Variants in SLC16A2 observed in about 807,000 individuals in gnomAD.
SLC16A2 encodes monocarboxylate transporter 8.
In SLC16A2, 3 loss-of-function variants were observed where a neutral mutation model predicts 27.2. The observed-to-expected ratio is 0.11, with a 90% CI of 0.05 to 0.28. The LOEUF (loss-of-function observed/expected upper bound fraction) is 0.28. SLC16A2 is among the 10% of genes least tolerant of loss of function. The pLI is 1.00. For missense variants in SLC16A2, 295 were observed against 458.5 expected, an observed-to-expected ratio of 0.64 and a Z score of 3.26; for synonymous variants, 202 against 187.8, an observed-to-expected ratio of 1.08 and a Z score of -0.62.
chrX:74,531,152 A>G (rs1204530761), intron 5 of SLC16A2, among the ~76,000 whole-genome samples, 181 bp from the exon 6 acceptor site: 1 of 112,958 alleles, frequency 8.9e-6, no homozygotes, highest in Admixed American at 9.3e-5. Context: ...CTTCTTTCAT[A>G]ATGAGCATTC....
intron 1 of SLC16A2, among the ~76,000 whole-genome samples, chrX:74,485,014 C>T (rs759524402): frequency 2.2e-4 from 24 of 111,104 alleles, no homozygotes; most frequent in African/African-American, 6.2e-4. Flanking sequence ...GTCGGGAGTT[C>T]GAGACCAGCC....
At chrX:74,455,577 C>T (rs563433) in intron 1 of SLC16A2, among the ~76,000 whole-genome samples, 12,303 of 110,322 alleles carry the variant, frequency 0.11, 1,422 homozygotes, top group East Asian at 0.87. Context: ...CCATTTTAGG[C>T]AGAGAGGGCT....
intron 1 of SLC16A2, among the ~76,000 whole-genome samples, chrX:74,425,677 G>A (rs1247054640): frequency 9.0e-6 from 1 of 111,382 alleles, no homozygotes; most frequent in Non-Finnish European, 1.9e-5. Context: ...GGGACCCTAA[G>A]TGAGTTGGAC....
chrX:74,452,037 G>A (rs1473759150), intron 1 of SLC16A2, among the ~76,000 whole-genome samples: 3 of 112,591 alleles, frequency 2.7e-5, no homozygotes, highest in African/African-American at 6.4e-5. Context: ...AGCACAATAC[G>A]AGCTAAATTA....
chrX:74,435,466 G>A (rs953666324), intron 1 of SLC16A2, among the ~76,000 whole-genome samples: 10 of 57,183 alleles, frequency 1.7e-4, no homozygotes, highest in Non-Finnish European at 4.3e-4. Context: ...CTGCAACCTA[G>A]CCTGGACAAA....
At position 74,524,508 on chromosome X, in the gene SLC16A2, T is replaced by A. The variant is rs201780420; in HGVS notation, c.725T>A (p.Phe242Tyr). The stretch of plus-strand genomic sequence containing the variant: ...GTGGTGTCTGCTGGGAGTAGCATTT[T>A]CTCCATGTCCTTCCCCTTCCTCATC... ...NGVVSAGSSI[F>Y]SMSFPFLIRM... The change falls in exon 3 of 6, where the codon TTC becomes TAC. Residue 242 changes from phenylalanine to tyrosine, a missense_variant. Physicochemically the swap from Phe to Tyr is conservative, Grantham distance 22. This residue lies in a region of SLC16A2 where 59 missense variants were observed against 153.6 expected (regional missense o/e 0.38). Transcript: ENST00000587091. 14 of 1,211,566 alleles carry A rather than the reference T, an allele frequency of 1.2e-5. No homozygotes were observed. The highest frequency in any genetic ancestry group is 1.6e-5 in the Non-Finnish European group (14 of 895,425).
intron 1 of SLC16A2, among the ~76,000 whole-genome samples, chrX:74,474,882 T>C (rs1168321788): frequency 1.9e-5 from 2 of 108,021 alleles, no homozygotes; most frequent in African/African-American, 6.8e-5. Flanking sequence ...TCTATCATTG[T>C]TGGACATTTG....
At chrX:74,508,511 T>C (rs1163766776) in intron 1 of SLC16A2, among the ~76,000 whole-genome samples, 1 of 112,568 alleles carries the variant, frequency 8.9e-6, no homozygotes, top group Non-Finnish European at 1.9e-5. Context: ...TATATATAAA[T>C]ACAATTTGTT....
At chrX:74,496,838 C>T (rs1040104520) in intron 1 of SLC16A2, among the ~76,000 whole-genome samples, 2 of 112,140 alleles carry the variant, frequency 1.8e-5, no homozygotes, top group Admixed American at 1.9e-4. Flanking sequence ...AGTCGGGTCG[C>T]TCAGTGGCCT....
intron 1 of SLC16A2, among the ~76,000 whole-genome samples, chrX:74,425,004 A>T (rs1006213736): frequency 8.9e-6 from 1 of 112,129 alleles, no homozygotes; most frequent in African/African-American, 3.2e-5. Context: ...AACTACAGGC[A>T]TGCGCCACCA....
At position 74,520,639 on chromosome X, in the gene SLC16A2, AG is replaced by A. The variant is rs940785005; in HGVS notation, c.431-348del. Among the ~76,000 whole-genome samples, 6 of 111,606 alleles carry A rather than the reference AG, an allele frequency of 5.4e-5. No homozygotes were observed. The Admixed American group carries it at 5.7e-4, about 11-fold the overall frequency. On this transcript the variant is annotated intron_variant, in intron 1 of 5. Transcript: ENST00000587091. ...TACTCCTTAGTCTTATCGTCTTCACAGGGTTCTTCTAATGCTGGAGACAAGC... is the reference window on the plus strand; with the variant it reads ...TACTCCTTAGTCTTATCGTCTTCACAGGTTCTTCTAATGCTGGAGACAAGC...
intron 4 of SLC16A2, among the ~76,000 whole-genome samples, chrX:74,528,384 GA>G (rs1280809680): frequency 1.7e-4 from 18 of 105,492 alleles, no homozygotes; most frequent in East Asian, 3.0e-4. Flanking sequence ...TGTGGAGAAG[GA>G]AAAAAAAAAC....
rs1411882430 is a variant in SLC16A2, at chrX:74,531,496, C to T, written c.1563C>T (p.Asp521=). The T allele has an allele frequency of 8.3e-7, 1 of 1,209,564 alleles. No homozygotes were observed. The highest frequency in any genetic ancestry group is 1.1e-6 in the Non-Finnish European group (1 of 895,074). Residue 521 remains aspartate (D), a synonymous_variant, in exon 6 of 6, where the codon GAC becomes GAT. Transcript: ENST00000587091. ...GCAAGGATAAGATGTTGGCCCCTGA[C>T]CCAGACCCCAATGGGGAGCTACTGC... ...DSSKDKMLAP[D]PDPNGELLPG... is the part of the protein sequence containing the mutation.
intron 1 of SLC16A2, among the ~76,000 whole-genome samples, chrX:74,511,925 G>A (rs1411929374): frequency 2.7e-5 from 3 of 111,964 alleles, no homozygotes; most frequent in Admixed American, 9.4e-5. Context: ...CTGGTGAGCC[G>A]CAGAGATAAG....
intron 1 of SLC16A2, among the ~76,000 whole-genome samples, chrX:74,497,462 G>A (rs975690919): frequency 3.6e-5 from 4 of 110,032 alleles, no homozygotes; most frequent in Admixed American, 1.9e-4. Flanking sequence ...GGAGAGCTGA[G>A]GCTACCCTTC....
At chrX:74,429,865 G>T (rs183004689) in intron 1 of SLC16A2, among the ~76,000 whole-genome samples, 39 of 111,720 alleles carry the variant, frequency 3.5e-4, no homozygotes, top group African/African-American at 1.0e-3. Context: ...CATGTCCCTT[G>T]TGTGGAGGTG....
At position 74,490,630 on chromosome X, in the gene SLC16A2, T is replaced by TG. The variant is rs1257555313; in HGVS notation, c.431-30354dup. Among the ~76,000 whole-genome samples, 4 of 111,422 alleles carry TG rather than the reference T, an allele frequency of 3.6e-5. No homozygotes were observed. The East Asian group carries it at 1.1e-3, about 31-fold the overall frequency. On this transcript the variant is annotated intron_variant, in intron 1 of 5. Transcript: ENST00000587091. ...TTCCCTGTAGGGCCACTGCACATCA[T>TG]GGGGGGTTAACCTCCACCAGACACT...
rs1349793680 is a variant in SLC16A2, at chrX:74,529,402, A to C, written c.1360A>C (p.Met454Leu). The change falls in exon 5 of 6, where the codon ATG (methionine) becomes CTG (leucine). Residue 454 changes from methionine to leucine, a missense_variant. By Grantham distance (15) the Met-to-Leu change is conservative. Coordinates refer to ENST00000587091, the MANE Select transcript of SLC16A2 (RefSeq NM_006517.5). ...ASQAIGYLLG[M>L]MALPMIAGPP... ...ACAGGCCATTGGCTACCTCCTGGGC[A>C]TGATGGCCCTGCCAATGATTGCTGG... The C allele has an allele frequency of 2.1e-5, 25 of 1,189,989 alleles. No homozygotes were observed. Among genetic ancestry groups the C allele is most frequent in the Non-Finnish European group, 2.8e-5 (25 of 884,047 alleles).
At chrX:74,496,610 C>A (rs992245964) in intron 1 of SLC16A2, among the ~76,000 whole-genome samples, 1 of 112,267 alleles carries the variant, frequency 8.9e-6, no homozygotes, top group African/African-American at 3.2e-5. Flanking sequence ...CAAGAACCAT[C>A]CTGTGCTGCA....
Sources: allele counts gnomAD v4.1 joint callset (sites outside exome capture counted in the v4.1 genomes callset), GRCh38; gene constraint gnomAD v4.1.1; regional missense constraint gnomAD v4.1.1; transcripts MANE v1.5; gene names NCBI Gene and HGNC (gene_info 2026-07-23, HGNC 2026-07-21).